The following ZNF695 variants were observed in gnomAD, a reference collection of about 807,000 sequenced individuals.
ZNF695 encodes zinc finger protein SBZF3.
In ZNF695, 11 loss-of-function variants were observed where a neutral mutation model predicts 11.2. That is an observed-to-expected ratio of 0.98 (90% confidence interval 0.62 to 1.62). ZNF695 has a LOEUF of 1.62. ZNF695 is among the 40% of genes most tolerant of loss of function. The probability of loss-of-function intolerance (pLI) is 0.00; values close to 1 mark genes in which losing one functional copy is unlikely to be tolerated. For missense variants in ZNF695, 559 were observed against 590.5 expected, an observed-to-expected ratio of 0.95 and a Z score of 0.55; for synonymous variants, 190 against 201.4, an observed-to-expected ratio of 0.94 and a Z score of 0.48.
chr1:246,965,952 T>A (rs985521256), intron 5 of ZNF695, among the ~76,000 whole-genome samples: 7 of 150,550 alleles, frequency 4.6e-5, no homozygotes, highest in African/African-American at 1.2e-4. Context: ...TATATATATT[T>A]TATATATATA....
At chr1:246,954,609 T>A (rs1262037900) in intron 5 of ZNF695, among the ~76,000 whole-genome samples, 1 of 152,194 alleles carries the variant, frequency 6.6e-6, no homozygotes, top group Admixed American at 6.5e-5. Flanking sequence ...GGCTTCTATA[T>A]ATGGAAACCA....
At chr1:246,949,277 T>C (rs1021992969) in intron 5 of ZNF695, among the ~76,000 whole-genome samples, 2 of 152,118 alleles carry the variant, frequency 1.3e-5, no homozygotes, top group African/African-American at 4.8e-5. Context: ...CTAGTGAGAC[T>C]AGTATCTCCT....
intron 3 of ZNF695, among the ~76,000 whole-genome samples, chr1:246,993,872 T>C (rs1386935887): frequency 1.3e-5 from 2 of 152,168 alleles, no homozygotes; most frequent in Non-Finnish European, 2.9e-5. Context: ...AGTAGACCTA[T>C]ACTCAAGAAA....
At chr1:247,007,022 G>T (rs2103036211) in intron 1 of ZNF695, among the ~76,000 whole-genome samples, 1 of 152,292 alleles carries the variant, frequency 6.6e-6, no homozygotes, top group South Asian at 2.1e-4. Flanking sequence ...ATCCTGGACA[G>T]TCCAAATAAG....
At position 246,950,650 on chromosome 1, in the gene ZNF695, C is replaced by CAAAAAA. The variant is rs200143022; in HGVS notation, c.489-4829_489-4824dup. On this transcript the variant is annotated intron_variant, in intron 5 of 5. Transcript: ENST00000487338. ...AGGGCAACAGAGCGAAACTCCGTTTCAAAAAAAAAAAAAAAAAAAAAAAAA... is the reference window on the plus strand; with the variant it reads ...AGGGCAACAGAGCGAAACTCCGTTTCAAAAAAAAAAAAAAAAAAAAAAAAAAAAAAA... Among the ~76,000 whole-genome samples, 40 of 105,366 alleles carry CAAAAAA rather than the reference C, an allele frequency of 3.8e-4. 1 individual carries two copies. The highest frequency in any genetic ancestry group is 1.6e-3 in the African/African-American group (39 of 23,982). 69.1% of individuals were successfully genotyped at this position (105,366 alleles called of 152,430 possible).
chr1:246,980,504 C>T (rs985324710), downstream of ZNF695, among the ~76,000 whole-genome samples: 2 of 151,532 alleles, frequency 1.3e-5, no homozygotes, highest in Admixed American at 6.6e-5. Flanking sequence ...GCAATTTCCA[C>T]CTCCCAGGTT....
chr1:247,000,365 C>T (rs781158717), intron 1 of ZNF695, among the ~76,000 whole-genome samples: 2 of 152,046 alleles, frequency 1.3e-5, no homozygotes, highest in African/African-American at 4.8e-5. Flanking sequence ...ATTAGCCGGG[C>T]GTGGTGGCAC....
intron 4 of ZNF695, among the ~76,000 whole-genome samples, chr1:246,970,046 T>A (rs1668386429): frequency 1.3e-5 from 2 of 152,210 alleles, no homozygotes; most frequent in East Asian, 3.8e-4. Context: ...AACTTGAGTA[T>A]CTTCTCCTAA....
chr1:246,989,276 A>C (rs527373429), intron 3 of ZNF695, among the ~76,000 whole-genome samples: 1 of 152,298 alleles, frequency 6.6e-6, no homozygotes, highest in Admixed American at 6.5e-5. Context: ...ACAAACAAAA[A>C]TTAAATGATG....
At chr1:246,993,668 AG>A (rs1488799731) in intron 3 of ZNF695, among the ~76,000 whole-genome samples, 1 of 152,224 alleles carries the variant, frequency 6.6e-6, no homozygotes, top group African/African-American at 2.4e-5. Context: ...GCAACCCTAA[AG>A]AAATGGAGAT....
intron 4 of ZNF695, chr1:246,979,794 T>A (rs973296520): frequency 9.8e-5 from 15 of 152,846 alleles, no homozygotes; most frequent in African/African-American, 3.6e-4. Context: ...TTAATCTTTC[T>A]AAAAAAATTA....
chr1:246,980,328 T>C (rs1422707466), downstream of ZNF695, among the ~76,000 whole-genome samples: 4 of 152,074 alleles, frequency 2.6e-5, no homozygotes, highest in African/African-American at 9.7e-5. Flanking sequence ...ACCTGTACTA[T>C]TTGGCTGTTA....
At chr1:246,988,782 C>T (rs1668932734) in intron 3 of ZNF695, among the ~76,000 whole-genome samples, 1 of 152,086 alleles carries the variant, frequency 6.6e-6, no homozygotes, top group African/African-American at 2.4e-5. Flanking sequence ...ATAGAGAAAT[C>T]CCGTCTCTAC....
At chr1:246,959,858 G>C (rs1668120733) in intron 5 of ZNF695, among the ~76,000 whole-genome samples, 2 of 152,216 alleles carry the variant, frequency 1.3e-5, no homozygotes, top group African/African-American at 2.4e-5. Context: ...TGGCGGTTCT[G>C]AAGATAGGCG....
rs1197962976 is a variant in ZNF695, at chr1:246,987,322, T to C, written c.1193A>G (p.His398Arg). ...TTTCTGCCCAGTATGAATTCTCTTATGCTGAATAAGGTATGAGAACCAGGT... is the reference window on the plus strand; with the variant it reads ...TTTCTGCCCAGTATGAATTCTCTTACGCTGAATAAGGTATGAGAACCAGGT... ...AFTWFSYLIQ[H>R]KRIHTGQKPY... Residue 398 changes from histidine to arginine, a missense_variant, in exon 4 of 4, where the codon CAT (histidine) becomes CGT (arginine). By Grantham distance (29) the His-to-Arg change is conservative. Transcript: ENST00000339986. The C allele has an allele frequency of 1.9e-6, 3 of 1,613,716 alleles. No homozygotes were observed. The highest frequency in any genetic ancestry group is 3.3e-5 in the Admixed American group (2 of 59,986).
At chr1:246,988,367 A>T (rs375488373) in intron 3 of ZNF695, 112 bp from the exon 4 acceptor site, 6 of 764,912 alleles carry the variant, frequency 7.8e-6, no homozygotes, top group African/African-American at 7.1e-5. Context: ...GAAATACCAC[A>T]GGCCCTTATT....
intron 5 of ZNF695, among the ~76,000 whole-genome samples, chr1:246,965,220 G>A (rs1668256734): frequency 6.6e-6 from 1 of 152,034 alleles, no homozygotes; most frequent in African/African-American, 2.4e-5. Context: ...AGCTGGGCAT[G>A]GTGGCGGGCG....
At chr1:247,000,878 C>G (rs973706839) in intron 1 of ZNF695, among the ~76,000 whole-genome samples, 1 of 152,116 alleles carries the variant, frequency 6.6e-6, no homozygotes, top group Non-Finnish European at 1.5e-5. Flanking sequence ...CAGCTAACAA[C>G]GCAATGACAG....
intron 5 of ZNF695, among the ~76,000 whole-genome samples, chr1:246,960,234 G>C (rs1311634061): frequency 2.0e-5 from 3 of 152,060 alleles, no homozygotes; most frequent in Admixed American, 6.6e-5. Flanking sequence ...TCAGCAAAAA[G>C]GGAACCACAG....
Sources: gnomAD v4.1 joint callset for allele counts (sites outside exome capture counted in the v4.1 genomes callset) on GRCh38, gnomAD v4.1.1 for gene constraint, MANE v1.5 for transcripts, NCBI Gene and HGNC (gene_info 2026-07-23, HGNC 2026-07-21) for gene names.